Variants in NLRP11 observed in about 807,000 individuals in gnomAD.
NLRP11 encodes the protein NLR family pyrin domain containing 11.
A neutral mutation model predicts 79.3 loss-of-function variants in NLRP11; 53 were observed. The ratio of observed to expected loss-of-function variants is 0.67; its 90% confidence interval spans 0.54 to 0.84. The LOEUF is 0.84. Ranked by LOEUF, NLRP11 falls within the 40% of genes least tolerant of loss-of-function variation. The pLI is 0.00. For missense variants in NLRP11, 1,264 were observed against 1,255.0 expected, an observed-to-expected ratio of 1.01 and a Z score of -0.11; for synonymous variants, 518 against 462.6, an observed-to-expected ratio of 1.12 and a Z score of -1.54.
At chr19:55,799,059 G>C (rs1013875676) in intron 5 of NLRP11, among the ~76,000 whole-genome samples, 2 of 152,050 alleles carry the variant, frequency 1.3e-5, no homozygotes, top group African/African-American at 4.8e-5. Flanking sequence ...GTGAGGTCAG[G>C]AGTTTGAGAC....
chr19:55,801,474 G>T lies in NLRP11; in HGVS notation c.2171+98C>A, dbSNP rs1040337573. 4.6e-6 allele frequency: 4 copies of T among 870,878 alleles called. No individual in the cohort carries two copies. In the African/African-American group the frequency reaches 5.0e-5, roughly 11 times the overall value. The allele number at this position is 870,878 out of a possible 1,614,324, so 53.9% of individuals were successfully genotyped here. ...AATTGAGGAATGAGTGACATCAAAAGGTAGGAGCAGGTAGTGTTATTGAAG... is the reference window on the plus strand; with the variant it reads ...AATTGAGGAATGAGTGACATCAAAATGTAGGAGCAGGTAGTGTTATTGAAG... On this transcript the variant is annotated intron_variant, in intron 5 of 9. Coordinates refer to ENST00000589093, the Ensembl canonical transcript of NLRP11.
intron 2 of NLRP11, among the ~76,000 whole-genome samples, chr19:55,815,470 A>C (rs1981019676): frequency 6.7e-6 from 1 of 148,622 alleles, no homozygotes; most frequent in African/African-American, 2.5e-5. Flanking sequence ...TGGAGGTTGC[A>C]GTGAGCCGAG....
intron 6 of NLRP11, among the ~76,000 whole-genome samples, chr19:55,794,168 G>T (rs1161088843): frequency 6.6e-6 from 1 of 152,092 alleles, no homozygotes; most frequent in African/African-American, 2.4e-5. Context: ...AAATTATATT[G>T]TAGTGTTGTA....
At chr19:55,793,532 C>T (rs1027958701) in intron 6 of NLRP11, among the ~76,000 whole-genome samples, 8 of 127,596 alleles carry the variant, frequency 6.3e-5, no homozygotes, top group Non-Finnish European at 9.4e-5. Context: ...TGCACCACTG[C>T]ACTCCAGCCT....
chr19:55,786,249 G>A (rs989051009), intron 9 of NLRP11, among the ~76,000 whole-genome samples: 17 of 152,164 alleles, frequency 1.1e-4, no homozygotes, highest in Non-Finnish European at 1.8e-4. Flanking sequence ...CAGGCTGGAC[G>A]CAGTCCAGTC....
exon 6 of NLRP11, chr19:55,796,146 C>T (rs1568629768): frequency 1.2e-6 from 2 of 1,614,110 alleles, no homozygotes; most frequent in Non-Finnish European, 8.5e-7. Flanking sequence ...CCCGTCGCTC[C>T]TCAGCGGATT....
chr19:55,802,509 C>G (rs115070844), intron 4 of NLRP11, among the ~76,000 whole-genome samples: 2,171 of 152,158 alleles, frequency 0.014, 51 homozygotes, highest in African/African-American at 0.048. Flanking sequence ...TCAAAGAGAT[C>G]AGATGACACA....
chr19:55,786,434 T>C (rs956211578), intron 9 of NLRP11, among the ~76,000 whole-genome samples: 1 of 151,976 alleles, frequency 6.6e-6, no homozygotes. Context: ...CTGAGGTGGA[T>C]TACTTGCACC....
intron 6 of NLRP11, 108 bp downstream of exon 6, chr19:55,795,972 G>C (rs1978805856): frequency 1.0e-6 from 1 of 977,504 alleles, no homozygotes; most frequent in Admixed American, 2.1e-5. Context: ...TGTGCTTTCG[G>C]CTGCTTTGCT....
In NLRP11 at chr19:55,808,819, ACT is replaced by A; in HGVS notation, c.1789_1790del (p.Ser597CysfsTer17). ...CTTTGTTTTGAAAGATGCGCTGAAC[ACT>A]CAACTTAAGTGTCCTCAGGTGACAG... On this transcript the variant is annotated frameshift_variant, in exon 3 of 10. Transcript: ENST00000589093. LOFTEE classifies it high-confidence loss of function. The A allele has an allele frequency of 6.2e-7, 1 of 1,613,538 alleles. No individual in the cohort carries two copies. Among genetic ancestry groups the A allele is most frequent in the Non-Finnish European group, 8.5e-7 (1 of 1,179,744 alleles).
At chr19:55,801,981 A>C (rs1226212980) in intron 4 of NLRP11, among the ~76,000 whole-genome samples, 1 of 152,186 alleles carries the variant, frequency 6.6e-6, no homozygotes, top group Non-Finnish European at 1.5e-5. Context: ...GACCTTTCTT[A>C]AGTGGGACCC....
chr19:55,788,101 G>T (rs1989995405), intron 9 of NLRP11, among the ~76,000 whole-genome samples: 1 of 152,150 alleles, frequency 6.6e-6, no homozygotes, highest in Admixed American at 6.6e-5. Context: ...CAACAGTTAG[G>T]TAACACAGAA....
intron 5 of NLRP11, among the ~76,000 whole-genome samples, chr19:55,797,915 C>T (rs1323589394): frequency 6.6e-6 from 1 of 152,126 alleles, no homozygotes; most frequent in African/African-American, 2.4e-5. Context: ...AACAGTGCAG[C>T]CGCAGCACGG....
intron 2 of NLRP11, among the ~76,000 whole-genome samples, chr19:55,814,831 C>A (rs8101276): frequency 6.6e-6 from 1 of 152,010 alleles, no homozygotes; most frequent in South Asian, 2.1e-4. Context: ...ACACAACCCA[C>A]GGAGAACAGA....
Position 55,824,678 on chromosome 19 carries a change from A to G in NLRP11, c.-62-6442T>C, listed in dbSNP as rs1982129436. ...AAGAGACAAAGAAGGCCATTACATA[A>G]TGGTAAAGGGATCAATTCAACAAGA... On this transcript the variant is annotated intron_variant, in intron 1 of 9. Transcript: ENST00000589093. Among the ~76,000 whole-genome samples the G allele has an allele frequency of 1.9e-5, 2 of 106,830 alleles. 1 individual carries two copies. Among genetic ancestry groups the G allele is most frequent in the Admixed American group, 1.8e-4 (2 of 11,200 alleles). 70.1% of individuals were successfully genotyped at this position (106,830 alleles called of 152,430 possible). A position where few individuals can be genotyped will look rare whatever the true frequency, so the allele number is the denominator to read the frequency against.
exon 10 of NLRP11, chr19:55,785,735 G>C (rs1989837147): frequency 6.2e-7 from 1 of 1,613,818 alleles, no homozygotes; most frequent in African/African-American, 1.3e-5. Flanking sequence ...GAACCTGGCT[G>C]AGAAGCAGGT....
chr19:55,830,597 C>CAAAAAAAAAAAAAAA (rs1982652810), intron 1 of NLRP11, among the ~76,000 whole-genome samples: 1 of 84,904 alleles, frequency 1.2e-5, no homozygotes, highest in Admixed American at 1.3e-4. Context: ...TCTTAGCTTC[C>CAAAAAAAAAAAAAAA]TAAAAAAAAA....
chr19:55,831,280 G>A lies in NLRP11; in HGVS notation c.-63+683C>T, dbSNP rs377057814. Among the ~76,000 whole-genome samples, 59 of 151,696 alleles carry A rather than the reference G, an allele frequency of 3.9e-4. 1 individual carries two copies. In the South Asian group the frequency reaches 0.012, roughly 31 times the overall value. The stretch of plus-strand genomic sequence containing the variant: ...GCATTAACATTAAAATAGAGCTCAG[G>A]ACCGGGTGCAGGAGCTCACGCCTGT... On this transcript the variant is annotated intron_variant, in intron 1 of 9. Transcript: ENST00000589093.
At chr19:55,810,967 C>T (rs926217213) in intron 2 of NLRP11, among the ~76,000 whole-genome samples, 1 of 152,236 alleles carries the variant, frequency 6.6e-6, no homozygotes, top group East Asian at 1.9e-4. Flanking sequence ...TTTAGGTAGC[C>T]TTCAATTATG....
Sources: gnomAD v4.1 joint callset for allele counts (sites outside exome capture counted in the v4.1 genomes callset) on GRCh38, gnomAD v4.1.1 for gene constraint, MANE v1.5 for transcripts, NCBI Gene and HGNC (gene_info 2026-07-23, HGNC 2026-07-21) for gene names.